The following CTNND2 variants were observed in gnomAD, a reference collection of about 807,000 sequenced individuals.
CTNND2 encodes catenin delta-2.
Under a neutral mutation model 144.4 loss-of-function variants are expected in CTNND2, and 22 were observed. The ratio of observed to expected loss-of-function variants is 0.15; its 90% confidence interval spans 0.11 to 0.22. The LOEUF (loss-of-function observed/expected upper bound fraction) is 0.22, where lower values mean the gene tolerates loss of function less well. Among genes scored for constraint, CTNND2 ranks in the 10% least tolerant of loss-of-function variants. CTNND2 has a pLI of 1.00. For synonymous variants in CTNND2, 751 were observed against 695.6 expected (o/e 1.08, Z -1.25); for missense variants, 1,353 against 1,618.8 (o/e 0.84, Z 2.82).
intron 3 of CTNND2, among the ~76,000 whole-genome samples, chr5:11,543,495 TAC>T (rs1213416177): frequency 1.3e-5 from 2 of 152,204 alleles, no homozygotes; most frequent in Non-Finnish European, 2.9e-5. Flanking sequence ...TATTGCATTT[TAC>T]ACACTCATTG....
intron 12 of CTNND2, among the ~76,000 whole-genome samples, chr5:11,153,585 C>T (rs370013820): frequency 2.0e-5 from 3 of 152,128 alleles, no homozygotes; most frequent in African/African-American, 7.2e-5. Context: ...TTAGAGGCAC[C>T]GTGGGACCAA....
chr5:11,203,431 TTTTTGTTTTG>T (rs563015091), intron 10 of CTNND2, among the ~76,000 whole-genome samples: 5 of 151,878 alleles, frequency 3.3e-5, no homozygotes, highest in South Asian at 2.1e-4. Context: ...TGCAAAATTG[TTTTTGTTTTG>T]TTTTGTTTTG....
intron 3 of CTNND2, among the ~76,000 whole-genome samples, chr5:11,454,570 T>C (rs183988098): frequency 5.3e-4 from 80 of 152,060 alleles, no homozygotes; most frequent in African/African-American, 1.8e-3. Flanking sequence ...CATAATGTAA[T>C]AGGATATTCA....
At chr5:11,575,054 T>C (rs533317714) in intron 2 of CTNND2, among the ~76,000 whole-genome samples, 6 of 152,324 alleles carry the variant, frequency 3.9e-5, no homozygotes, top group East Asian at 1.9e-4. Flanking sequence ...ATCTGTTCTA[T>C]ATATATGCAC....
chr5:11,347,137 G>C (rs1754882050), intron 8 of CTNND2, among the ~76,000 whole-genome samples: 1 of 152,196 alleles, frequency 6.6e-6, no homozygotes, highest in Admixed American at 6.5e-5. Context: ...GGGGGTGGAG[G>C]TGAGAAGAGG....
At chr5:11,241,013 A>C (rs973021278) in intron 9 of CTNND2, among the ~76,000 whole-genome samples, 18 of 148,442 alleles carry the variant, frequency 1.2e-4, no homozygotes, top group African/African-American at 4.5e-4. Context: ...CCAAACACAC[A>C]CACCCAACAC....
At chr5:11,193,416 A>C (rs1736536451) in intron 11 of CTNND2, among the ~76,000 whole-genome samples, 1 of 152,184 alleles carries the variant, frequency 6.6e-6, no homozygotes, top group Non-Finnish European at 1.5e-5. Context: ...TTCATTATTG[A>C]AATGTCTGTA....
intron 1 of CTNND2, among the ~76,000 whole-genome samples, chr5:11,788,806 C>A (rs551020829): frequency 1.3e-5 from 2 of 151,636 alleles, no homozygotes; most frequent in African/African-American, 4.9e-5. Flanking sequence ...TTAGGTATAT[C>A]TCCTAATGCT....
intron 3 of CTNND2, among the ~76,000 whole-genome samples, chr5:11,560,092 T>C (rs1776567354): frequency 6.6e-6 from 1 of 152,182 alleles, no homozygotes; most frequent in African/African-American, 2.4e-5. Flanking sequence ...GAGACAATGA[T>C]GACACTTAAC....
intron 3 of CTNND2, among the ~76,000 whole-genome samples, chr5:11,470,954 G>GTATATATATATATATATATATATA (rs71595821): frequency 4.4e-4 from 28 of 63,198 alleles, no homozygotes; most frequent in South Asian, 2.4e-3. Context: ...TTGATACAAA[G>GTATATATATATATATATATATATA]TATATATATA....
intron 9 of CTNND2, among the ~76,000 whole-genome samples, chr5:11,239,566 G>C (rs1486879765): frequency 6.6e-6 from 1 of 152,180 alleles, no homozygotes; most frequent in African/African-American, 2.4e-5. Flanking sequence ...ACGCAGATAC[G>C]CACACGTGAT....
At position 11,128,879 on chromosome 5, in the gene CTNND2, A is replaced by ATTAT. The variant is rs1422844562; in HGVS notation, c.2160-11313_2160-11312insATAA. Among the ~76,000 whole-genome samples the ATTAT allele has an allele frequency of 6.3e-4, 42 of 66,506 alleles. 5 individuals carry two copies. Among genetic ancestry groups the ATTAT allele is most frequent in the African/African-American group, 2.1e-3 (42 of 19,546 alleles). 43.6% of individuals were successfully genotyped at this position (66,506 alleles called of 152,430 possible). ...TAATATATATAATATATAAATATAT[A>ATTAT]ATACATAAATATATATTACATATAT... On this transcript the variant is annotated intron_variant, in intron 12 of 21. Transcript: ENST00000304623.
At chr5:11,172,007 C>G (rs1236593425) in intron 11 of CTNND2, among the ~76,000 whole-genome samples, 1 of 152,160 alleles carries the variant, frequency 6.6e-6, no homozygotes. Flanking sequence ...CAATTGTGGT[C>G]TTACACTAGA....
At chr5:11,218,109 C>CT (rs113978487) in intron 10 of CTNND2, among the ~76,000 whole-genome samples, 8,342 of 146,678 alleles carry the variant, frequency 0.057, 776 homozygotes, top group African/African-American at 0.2. Flanking sequence ...TCTTTTTTCT[C>CT]TTTTTTTTCT....
chr5:11,127,048 G>T (rs1421205369), intron 12 of CTNND2, among the ~76,000 whole-genome samples: 1 of 152,214 alleles, frequency 6.6e-6, no homozygotes, highest in African/African-American at 2.4e-5. Flanking sequence ...TGCAGGGGTG[G>T]GGTCTGCAGG....
intron 15 of CTNND2, 115 bp from the exon 16 acceptor site, chr5:11,082,961 A>G (rs1749748667): frequency 1.7e-6 from 2 of 1,178,004 alleles, no homozygotes; most frequent in Non-Finnish European, 2.4e-6. Flanking sequence ...TGAATTACCA[A>G]GACCTAGTTG....
At chr5:11,150,024 T>G (rs1757597781) in intron 12 of CTNND2, among the ~76,000 whole-genome samples, 1 of 152,232 alleles carries the variant, frequency 6.6e-6, no homozygotes, top group Admixed American at 6.5e-5. Flanking sequence ...AGCAATTGGC[T>G]TTCTGTGACA....
intron 2 of CTNND2, among the ~76,000 whole-genome samples, chr5:11,696,720 T>C (rs1165979873): frequency 6.6e-6 from 1 of 152,160 alleles, no homozygotes; most frequent in Non-Finnish European, 1.5e-5. Context: ...CACCTGCAGA[T>C]CCTAAGGGAG....
intron 1 of CTNND2, among the ~76,000 whole-genome samples, chr5:11,846,743 T>A (rs186389601): frequency 2.6e-5 from 4 of 151,938 alleles, no homozygotes; most frequent in Admixed American, 1.3e-4. Context: ...AACAATTCAA[T>A]AGCAAAAATA....
Sources: allele counts gnomAD v4.1 joint callset (sites outside exome capture counted in the v4.1 genomes callset), GRCh38; gene constraint gnomAD v4.1.1; transcripts MANE v1.5; gene names NCBI Gene and HGNC (gene_info 2026-07-23, HGNC 2026-07-21).